The following DNAH7 variants were observed in gnomAD, a reference collection of about 807,000 sequenced individuals.
DNAH7 encodes the protein axonemal beta dynein heavy chain 7.
A neutral mutation model predicts 444.6 loss-of-function variants in DNAH7; 397 were observed. That is an observed-to-expected ratio of 0.89 (90% confidence interval 0.82 to 0.97). The LOEUF (loss-of-function observed/expected upper bound fraction) is 0.97, where lower values mean the gene tolerates loss of function less well. Ranked by LOEUF, DNAH7 falls within the 50% of genes least tolerant of loss-of-function variation. The probability of loss-of-function intolerance (pLI) is 0.00; values close to 1 mark genes in which losing one functional copy is unlikely to be tolerated. For synonymous variants in DNAH7, 1,636 were observed against 1,624.4 expected, an observed-to-expected ratio of 1.01 and a Z score of -0.17; for missense variants, 4,902 against 4,800.8, an observed-to-expected ratio of 1.02 and a Z score of -0.62.
intron 57 of DNAH7, among the ~76,000 whole-genome samples, chr2:195,792,621 G>A (rs1197777975): frequency 1.3e-5 from 2 of 152,196 alleles, no homozygotes; most frequent in Non-Finnish European, 2.9e-5. Context: ...TGACAAAATT[G>A]AAACACAAAT....
At chr2:195,755,066 C>T (rs1325556232) in intron 62 of DNAH7, among the ~76,000 whole-genome samples, 1 of 152,196 alleles carries the variant, frequency 6.6e-6, no homozygotes, top group Non-Finnish European at 1.5e-5. Context: ...CAGAAACGCT[C>T]CCTACAATAG....
At chr2:195,836,550 G>C (rs115204588) in intron 47 of DNAH7, among the ~76,000 whole-genome samples, 2,535 of 151,476 alleles carry the variant, frequency 0.017, 66 homozygotes, top group African/African-American at 0.058. Context: ...TGGGAGTCAT[G>C]GCTTCAACAT....
Position 196,026,754 on chromosome 2 carries a change from A to G in DNAH7, c.667+6T>C. The stretch of plus-strand genomic sequence containing the variant: ...AATTAAAAATCAAAGCATAATACCA[A>G]TTTACCTATGGATTTCCTTACACTA... On this transcript the variant is annotated splice_donor_region_variant and intron_variant, in intron 7 of 64. Transcript: ENST00000312428. The G allele has an allele frequency of 6.3e-7, 1 of 1,593,366 alleles. No homozygotes were observed. The highest frequency in any genetic ancestry group is 8.6e-7 in the Non-Finnish European group (1 of 1,164,582).
At chr2:195,931,385 T>C (rs901352798) in intron 21 of DNAH7, among the ~76,000 whole-genome samples, 5 of 152,040 alleles carry the variant, frequency 3.3e-5, no homozygotes, top group Admixed American at 6.6e-5. Context: ...CTGTTCACTC[T>C]GATGGTAGTT....
In DNAH7 at chr2:195,884,582, T is replaced by TA. The variant is rs1357425297; in HGVS notation, c.5763+2dup. ...GCTGCAAATCTTGCTTCAGAACTCT[T>TA]ACCTCAGTGACAAATTGATAATCAT... On this transcript the variant is annotated splice_region_variant and intron_variant, in intron 35 of 64. Transcript: ENST00000312428. 3.7e-6 allele frequency: 6 copies of TA among 1,611,676 alleles called. No homozygotes were observed. In the South Asian group the frequency reaches 6.6e-5, roughly 18 times the overall value.
intron 43 of DNAH7, 138 bp from the exon 44 acceptor site, chr2:195,857,861 C>A: frequency 1.4e-6 from 1 of 735,704 alleles, no homozygotes; most frequent in East Asian, 2.9e-5. Context: ...TAGAACTGCA[C>A]TTACACTTTT....
chr2:195,891,007 C>T (rs1162187325), intron 31 of DNAH7, among the ~76,000 whole-genome samples: 1 of 152,204 alleles, frequency 6.6e-6, no homozygotes, highest in African/African-American at 2.4e-5. Context: ...TCTGCAGAAC[C>T]TGCTAAAATA....
At chr2:195,970,838 T>C (rs764852806) in intron 16 of DNAH7, among the ~76,000 whole-genome samples, 4 of 152,236 alleles carry the variant, frequency 2.6e-5, no homozygotes, top group Admixed American at 1.3e-4. Context: ...ATTTATGTCC[T>C]CTTTTCTCTA....
intron 61 of DNAH7, among the ~76,000 whole-genome samples, chr2:195,767,291 A>G (rs1205314113): frequency 1.3e-5 from 2 of 152,096 alleles, no homozygotes; most frequent in African/African-American, 2.4e-5. Context: ...CAGAGAATAT[A>G]GTCTGATGAT....
chr2:195,779,000 C>A (rs1030486558), intron 58 of DNAH7, among the ~76,000 whole-genome samples: 2 of 151,810 alleles, frequency 1.3e-5, no homozygotes, highest in African/African-American at 4.8e-5. Flanking sequence ...TGTGCCACCA[C>A]GCCCAGCTAA....
At chr2:196,036,892 C>A (rs1696428765) in intron 5 of DNAH7, among the ~76,000 whole-genome samples, 1 of 152,230 alleles carries the variant, frequency 6.6e-6, no homozygotes, top group Admixed American at 6.5e-5. Context: ...GGTGCCCATG[C>A]ATGCCACCCA....
At chr2:195,783,990 C>G (rs1695502607) in intron 58 of DNAH7, among the ~76,000 whole-genome samples, 1 of 152,000 alleles carries the variant, frequency 6.6e-6, no homozygotes, top group South Asian at 2.1e-4. Flanking sequence ...ATGGGGATTT[C>G]CCACATATTC....
At chr2:195,820,226 G>C (rs1381899483) in intron 49 of DNAH7, among the ~76,000 whole-genome samples, 1 of 151,962 alleles carries the variant, frequency 6.6e-6, no homozygotes, top group African/African-American at 2.4e-5. Context: ...GTTCTCACTC[G>C]TAAGTGGGAG....
chr2:195,942,848 G>A (rs555230465), intron 19 of DNAH7, among the ~76,000 whole-genome samples: 10 of 152,174 alleles, frequency 6.6e-5, no homozygotes, highest in African/African-American at 2.4e-4. Context: ...CATATACCAT[G>A]TACACTCTAG....
intron 63 of DNAH7, among the ~76,000 whole-genome samples, chr2:195,749,897 G>T (rs955249204): frequency 6.6e-6 from 1 of 151,380 alleles, no homozygotes; most frequent in Non-Finnish European, 1.5e-5. Context: ...AGGAGTTAAT[G>T]GGTGCAGCAC....
chr2:196,043,306 C>T (rs946736637), intron 5 of DNAH7, among the ~76,000 whole-genome samples: 8 of 151,908 alleles, frequency 5.3e-5, no homozygotes, highest in Admixed American at 4.6e-4. Context: ...TTAGAGAGAA[C>T]CAAGACAGAT....
chr2:195,972,215 T>A (rs1559289673), intron 16 of DNAH7, 27 bp downstream of exon 16: 2 of 1,566,972 alleles, frequency 1.3e-6, no homozygotes, highest in Non-Finnish European at 8.7e-7. Flanking sequence ...TTCCAGAAAA[T>A]GAAAATAAAA....
intron 49 of DNAH7, among the ~76,000 whole-genome samples, chr2:195,823,869 C>G (rs1697586095): frequency 6.6e-6 from 1 of 152,134 alleles, no homozygotes; most frequent in Non-Finnish European, 1.5e-5. Context: ...TACATAAAAT[C>G]AGACAGCAGC....
rs780622799 is a variant in DNAH7, at chr2:195,777,977, C to G, written c.10887G>C (p.Pro3629=). The G allele has an allele frequency of 1.2e-6, 2 of 1,609,676 alleles. No individual in the cohort carries two copies. Among genetic ancestry groups the G allele is most frequent in the East Asian group, 2.2e-5 (1 of 44,738 alleles). The part of the protein sequence containing the change: ...HMFLNQYEEL[P]YEALRYMTGE... ...CAGTCATGTACCGCAGAGCCTCATA[C>G]GGCAGTTCCTAAAATAGTGCGTGTC... The change falls in exon 59 of 65, where the codon CCG becomes CCC. Residue 3629 remains proline (P), a synonymous_variant. Transcript: ENST00000312428.
Sources: gnomAD v4.1 joint callset for allele counts (sites outside exome capture counted in the v4.1 genomes callset) on GRCh38, gnomAD v4.1.1 for gene constraint, MANE v1.5 for transcripts, NCBI Gene and HGNC (gene_info 2026-07-23, HGNC 2026-07-21) for gene names.